RNF157: variants seen among roughly 807,000 people sequenced by gnomAD.
RNF157 encodes ring finger protein 157, also known as E3 ubiquitin ligase RNF157.
A neutral mutation model predicts 88.3 loss-of-function variants in RNF157; 55 were observed. That is an observed-to-expected ratio of 0.62 (90% confidence interval 0.50 to 0.78). The LOEUF (loss-of-function observed/expected upper bound fraction) is 0.78. Among genes scored for constraint, RNF157 ranks in the 30% least tolerant of loss-of-function variants. RNF157 has a pLI of 0.00. For missense variants in RNF157, 788 were observed against 860.8 expected, an observed-to-expected ratio of 0.92 and a Z score of 1.06; for synonymous variants, 334 against 341.2, an observed-to-expected ratio of 0.98 and a Z score of 0.23.
chr17:76,202,650 C>T, intron 2 of RNF157: 1 of 158,830 alleles, frequency 6.3e-6, no homozygotes, highest in Non-Finnish European at 1.4e-5. Flanking sequence ...TTTTTTTTTT[C>T]AGGCTCTGAA....
intron 2 of RNF157, among the ~76,000 whole-genome samples, chr17:76,201,957 C>A (rs563989830): frequency 6.6e-6 from 1 of 151,582 alleles, no homozygotes; most frequent in African/African-American, 2.4e-5. Flanking sequence ...AGGAGAGATT[C>A]GGAGAGGTGA....
rs1240908481 is a variant in RNF157 at position 76,147,409 on chromosome 17, G to GCCA, written c.1922-2059_1922-2057dup. ...CAGCACCACCACCACCACCGCCGCC[G>GCCA]CCACCACCAGCAAGCCATGGAATGC... On this transcript the variant is annotated intron_variant, in intron 18 of 18. Coordinates refer to ENST00000269391, the MANE Select transcript of RNF157 (RefSeq NM_052916.3). 11 of 860,750 alleles carry GCCA rather than the reference G, an allele frequency of 1.3e-5. No individual in the cohort carries two copies. The African/African-American group carries it at 1.3e-4, about 10-fold the overall frequency. The allele number at this position is 860,750 out of a possible 1,614,324, so 53.3% of individuals were successfully genotyped here.
intron 1 of RNF157, among the ~76,000 whole-genome samples, chr17:76,238,750 TAAG>T (rs1045080731): frequency 2.0e-5 from 3 of 152,224 alleles, no homozygotes; most frequent in African/African-American, 7.2e-5. Flanking sequence ...CATGCCGCCC[TAAG>T]AATATTTTTG....
chr17:76,238,268 C>A (rs546651694), intron 1 of RNF157, among the ~76,000 whole-genome samples: 7 of 152,262 alleles, frequency 4.6e-5, no homozygotes, highest in Non-Finnish European at 4.4e-5. Context: ...TTCAAATACA[C>A]AAAGGTTTGC....
chr17:76,204,056 C>T (rs537189055), intron 2 of RNF157, among the ~76,000 whole-genome samples: 38 of 152,210 alleles, frequency 2.5e-4, no homozygotes, highest in African/African-American at 8.7e-4. Flanking sequence ...CGTGAGCCAC[C>T]GCGCCCAGCC....
Position 76,230,257 on chromosome 17 carries a change from G to A in RNF157, c.88+9896C>T, listed in dbSNP as rs565154142. On this transcript the variant is annotated intron_variant, in intron 1 of 18. Coordinates refer to ENST00000269391, the MANE Select transcript of RNF157 (RefSeq NM_052916.3). ...AAGTGGGTTTCTGTCTAATTTCCCC[G>A]GATCTTGAGGCAAAGTAAAGCAACC... Among the ~76,000 whole-genome samples, 5 of 152,222 alleles carry A rather than the reference G, an allele frequency of 3.3e-5. No individual in the cohort carries two copies. In the South Asian group the frequency reaches 8.3e-4, roughly 25 times the overall value.
intron 1 of RNF157, among the ~76,000 whole-genome samples, chr17:76,225,145 C>T (rs1013112072): frequency 6.6e-6 from 1 of 152,100 alleles, no homozygotes; most frequent in Non-Finnish European, 1.5e-5. Flanking sequence ...GCACTCCAGC[C>T]TAGGCAACAG....
chr17:76,164,586 C>A, intron 8 of RNF157, 162 bp downstream of exon 8: 2 of 465,074 alleles, frequency 4.3e-6, no homozygotes, highest in Non-Finnish European at 7.5e-6. Flanking sequence ...CAAAAGCACT[C>A]CCTTTTTTTC....
intron 2 of RNF157, among the ~76,000 whole-genome samples, chr17:76,192,306 T>C (rs987891726): frequency 1.3e-5 from 2 of 152,238 alleles, no homozygotes; most frequent in African/African-American, 4.8e-5. Flanking sequence ...ATTTACATTA[T>C]AAAGTTCCTT....
intron 14 of RNF157, 53 bp from the exon 15 acceptor site, chr17:76,155,787 C>T: frequency 7.0e-7 from 1 of 1,436,906 alleles, no homozygotes; most frequent in African/African-American, 1.4e-5. Context: ...AGGGCTTCTG[C>T]AAGCTTTCTG....
At chr17:76,220,239 G>A (rs180837885) in intron 1 of RNF157, among the ~76,000 whole-genome samples, 2 of 151,938 alleles carry the variant, frequency 1.3e-5, no homozygotes, top group South Asian at 2.1e-4. Flanking sequence ...TAACAAGGAC[G>A]CTCTCTAAAC....
In RNF157 at chr17:76,164,776, C is replaced by T. The variant is rs750762502; in HGVS notation, c.692G>A (p.Cys231Tyr). 15 of 1,611,516 alleles carry T rather than the reference C, an allele frequency of 9.3e-6. No homozygotes were observed. The highest frequency in any genetic ancestry group is 2.7e-5 in the African/African-American group (2 of 74,840). Residue 231 changes from cysteine (C) to tyrosine (Y), a missense_variant, in exon 8 of 19, where the codon TGT (cysteine) becomes TAT (tyrosine). Coordinates refer to ENST00000269391, the MANE Select transcript of RNF157 (RefSeq NM_052916.3). ...TTGTTTCTGTTTGAGGGGCTTGACACAGAAAGTTCCATCTGTGTGCTGGAA... is the reference window on the plus strand; with the variant it reads ...TTGTTTCTGTTTGAGGGGCTTGACATAGAAAGTTCCATCTGTGTGCTGGAA... ...TFEKHTDGTF[C>Y]VKPLKQKQVV...
intron 2 of RNF157, among the ~76,000 whole-genome samples, chr17:76,194,931 C>G (rs527389929): frequency 3.3e-5 from 5 of 152,118 alleles, no homozygotes; most frequent in Non-Finnish European, 7.3e-5. Flanking sequence ...AGCAGAATGG[C>G]GTGAACCCGG....
At chr17:76,204,228 A>G (rs912853277) in intron 2 of RNF157, among the ~76,000 whole-genome samples, 1 of 152,026 alleles carries the variant, frequency 6.6e-6, no homozygotes, top group Non-Finnish European at 1.5e-5. Flanking sequence ...GCTTCCTTGT[A>G]TTGCTTATTA....
chr17:76,164,039 T>C (rs2068884680), intron 8 of RNF157: 3 of 152,310 alleles, frequency 2.0e-5, no homozygotes. Context: ...AAGGCTTTTC[T>C]TTGCATCTCG....
At chr17:76,196,411 C>T (rs1216302813) in intron 2 of RNF157, among the ~76,000 whole-genome samples, 1 of 152,194 alleles carries the variant, frequency 6.6e-6, no homozygotes, top group African/African-American at 2.4e-5. Flanking sequence ...TGGCCATGTG[C>T]TACTTCTTCA....
Position 76,225,005 on chromosome 17 carries a change from C to T in RNF157, c.89-12523G>A, listed in dbSNP as rs923079438. ...TGGCCAACATGGTGAAACCCTGTCT[C>T]TACCAAAAACACAAAAATTAGCCGG... is the stretch of plus-strand genomic sequence containing the variant. On this transcript the variant is annotated intron_variant, in intron 1 of 18. Transcript: ENST00000269391. Among the ~76,000 whole-genome samples, 9 of 152,066 alleles carry T rather than the reference C, an allele frequency of 5.9e-5. No individual in the cohort carries two copies. In the Middle Eastern group the frequency reaches 0.01, roughly 172 times the overall value.
chr17:76,170,942 A>G (rs1023071836), intron 3 of RNF157, among the ~76,000 whole-genome samples: 2 of 151,900 alleles, frequency 1.3e-5, no homozygotes, highest in Non-Finnish European at 2.9e-5. Context: ...GCCCAGGCTG[A>G]AGTGCAGTGG....
At position 76,168,081 on chromosome 17, in the gene RNF157, CA is replaced by C. The variant is rs540623448; in HGVS notation, c.297-285del. Among the ~76,000 whole-genome samples the C allele has an allele frequency of 7.7e-4, 117 of 152,206 alleles. 1 individual carries two copies. The highest frequency in any genetic ancestry group is 3.4e-3 in the Middle Eastern group (1 of 294). ...CATAGTTTAAATAGTTTCCTCAAGG[CA>C]AAAAACAGCAGGCCTTACTTCTTCC... is the stretch of plus-strand genomic sequence containing the variant. On this transcript the variant is annotated intron_variant, in intron 3 of 18. Coordinates refer to ENST00000269391, the MANE Select transcript of RNF157 (RefSeq NM_052916.3).
Sources: gnomAD v4.1 joint callset for allele counts (sites outside exome capture counted in the v4.1 genomes callset) on GRCh38, gnomAD v4.1.1 for gene constraint, MANE v1.5 for transcripts, NCBI Gene and HGNC (gene_info 2026-07-23, HGNC 2026-07-21) for gene names.